The following NCSTN variants were observed in gnomAD, a reference collection of about 807,000 sequenced individuals.
NCSTN encodes the protein anterior pharynx-defective 2.
In NCSTN, 22 loss-of-function variants were observed where a neutral mutation model predicts 87.0. The observed-to-expected ratio is 0.25, with a 90% CI of 0.18 to 0.36. NCSTN has a LOEUF of 0.36. Among genes scored for constraint, NCSTN ranks in the 10% least tolerant of loss-of-function variants. The pLI is 1.00. For synonymous variants in NCSTN, 306 were observed against 327.1 expected, an observed-to-expected ratio of 0.94 and a Z score of 0.69; for missense variants, 693 against 883.3, an observed-to-expected ratio of 0.78 and a Z score of 2.73.
Position 160,348,939 on chromosome 1 carries a change from G to A in NCSTN, c.191-60G>A, listed in dbSNP as rs2101897109. The A allele has an allele frequency of 2.5e-6, 4 of 1,611,538 alleles. No homozygotes were observed. In the South Asian group the frequency reaches 4.4e-5, roughly 18 times the overall value. On this transcript the variant is annotated intron_variant, in intron 2 of 16. Coordinates refer to ENST00000294785, the MANE Select transcript of NCSTN (RefSeq NM_015331.3). ...GGGATAAAAGATACGCAGAATCAGTGAGGCAAAGTCAGAATTGTTAACTAT... is the reference window on the plus strand; with the variant it reads ...GGGATAAAAGATACGCAGAATCAGTAAGGCAAAGTCAGAATTGTTAACTAT...
At chr1:160,353,013 C>A (rs200406538) in intron 9 of NCSTN, 22 bp downstream of exon 9, 1 of 1,602,896 alleles carries the variant, frequency 6.2e-7, no homozygotes, top group Non-Finnish European at 8.5e-7. Context: ...GTCCCCCAGC[C>A]CCTTCCTTTT....
Position 160,358,435 on chromosome 1 carries a change from T to G in NCSTN, c.*164T>G. The G allele has an allele frequency of 1.1e-6, 1 of 926,754 alleles. No individual in the cohort carries two copies. Among genetic ancestry groups the G allele is most frequent in the Non-Finnish European group, 1.7e-6 (1 of 593,422 alleles). The allele number at this position is 926,754 out of a possible 1,614,324, so 57.4% of individuals were successfully genotyped here. ...TCCAAAAGAGACAGGGAGAAATAAA[T>G]AAATTGCCTCCCTTCCTCCGCTCCC... On this transcript the variant is annotated 3_prime_UTR_variant, in exon 17 of 17. Transcript: ENST00000294785.
rs1180849144 is a variant in NCSTN at position 160,350,008 on chromosome 1, T to C, written c.437-97T>C. ...TTTGAGTCACCACCTCCTTTTGAAC[T>C]CTTAGTCCCAACTGAAAGATTCTTC... is the stretch of plus-strand genomic sequence containing the variant. On this transcript the variant is annotated intron_variant, in intron 4 of 16. Transcript: ENST00000294785. 5.1e-5 allele frequency: 74 copies of C among 1,448,710 alleles called. 1 individual carries two copies. Among genetic ancestry groups the C allele is most frequent in the Non-Finnish European group, 7.0e-5 (72 of 1,031,136 alleles). The allele number at this position is 1,448,710 out of a possible 1,614,324, so 89.7% of individuals were successfully genotyped here.
chr1:160,343,410 G>C lies in NCSTN; in HGVS notation c.14G>C (p.Gly5Ala), dbSNP rs528352370. MATA[G>A]GGSGADPGSR... The stretch of plus-strand genomic sequence containing the variant: ...CAGAGAGGCAAGATGGCTACGGCAG[G>C]GGGTGGCTCTGGGGCTGACCCGGGA... Residue 5 changes from glycine (G) to alanine (A), a missense_variant, in exon 1 of 17, where the codon GGG becomes GCG. Coordinates refer to ENST00000294785, the MANE Select transcript of NCSTN (RefSeq NM_015331.3). The C allele has an allele frequency of 1.5e-5, 25 of 1,613,034 alleles. No homozygotes were observed. In the South Asian group the frequency reaches 1.7e-4, roughly 11 times the overall value.
rs2101912747 is a variant in NCSTN at position 160,358,574 on chromosome 1, TGC to T, written c.*304_*305del. ...AACTCCCTAGTTACCCACCCTAATT[TGC>T]CCTTCAGGACCCTTCTACTTTTTCC... On this transcript the variant is annotated 3_prime_UTR_variant, in exon 17 of 17. Transcript: ENST00000294785. 2.4e-6 allele frequency: 1 copy of T among 422,604 alleles called. No individual in the cohort carries two copies. Among genetic ancestry groups the T allele is most frequent in the East Asian group, 5.4e-5 (1 of 18,590 alleles). The allele number at this position is 422,604 out of a possible 1,614,324, so 26.2% of individuals were successfully genotyped here.
intron 16 of NCSTN, among the ~76,000 whole-genome samples, 188 bp downstream of exon 16, chr1:160,357,441 G>A (rs1261006704): frequency 6.6e-6 from 1 of 152,088 alleles, no homozygotes; most frequent in Non-Finnish European, 1.5e-5. Flanking sequence ...TTTCATTCTT[G>A]TTGCTCAAGC....
intron 9 of NCSTN, 80 bp downstream of exon 9, chr1:160,353,071 C>T: frequency 6.4e-7 from 1 of 1,572,054 alleles, no homozygotes; most frequent in Non-Finnish European, 8.8e-7. Flanking sequence ...ACTGCAGGAA[C>T]CACCGCCTCT....
At chr1:160,348,407 C>T (rs1648633229) in intron 2 of NCSTN, among the ~76,000 whole-genome samples, 3 of 152,148 alleles carry the variant, frequency 2.0e-5, no homozygotes, top group Admixed American at 2.0e-4. Context: ...CCCTAGGTTT[C>T]CTGGAATGAG....
At chr1:160,344,469 C>A in intron 1 of NCSTN, 1 of 1,512,634 alleles carries the variant, frequency 6.6e-7, no homozygotes, top group East Asian at 2.5e-5. Flanking sequence ...AGTTTTCTCT[C>A]TTTTAGTGTC....
intron 1 of NCSTN, among the ~76,000 whole-genome samples, chr1:160,344,173 C>T (rs1648302756): frequency 6.6e-6 from 1 of 152,034 alleles, no homozygotes. Flanking sequence ...TGTGCCTTCC[C>T]CCAATTCACA....
At chr1:160,347,330 T>G (rs10494342) in intron 2 of NCSTN, among the ~76,000 whole-genome samples, 15,888 of 152,264 alleles carry the variant, frequency 0.1, 1,343 homozygotes, top group African/African-American at 0.23. Context: ...ATTTGATTTC[T>G]GATTATAATA....
intron 1 of NCSTN, 105 bp downstream of exon 1, chr1:160,343,586 C>A (rs933736010): frequency 9.5e-7 from 1 of 1,054,806 alleles, no homozygotes; most frequent in African/African-American, 1.6e-5. Flanking sequence ...CCCCTCTGTC[C>A]CCCCACCCTG....
chr1:160,354,301 C>T lies in NCSTN; in HGVS notation c.1352+11C>T, dbSNP rs1367582755. On this transcript the variant is annotated intron_variant, in intron 11 of 16. Transcript: ENST00000294785. ...TGCCTTCCATAACAAGTAAGAATCA[C>T]TTGGCCCTGCACCCTCTTCATTCTT... 12 of 1,613,728 alleles carry T rather than the reference C, an allele frequency of 7.4e-6. No individual in the cohort carries two copies. The Admixed American group carries it at 8.3e-5, about 11-fold the overall frequency.
intron 8 of NCSTN, 22 bp from the exon 9 acceptor site, chr1:160,352,865 C>T (rs746544619): frequency 6.3e-7 from 1 of 1,591,890 alleles, no homozygotes; most frequent in Non-Finnish European, 8.6e-7. Context: ...TGTTCCCCCT[C>T]CCACCTACCT....
At position 160,349,697 on chromosome 1, in the gene NCSTN, C is replaced by G. The variant is rs144037775; in HGVS notation, c.436+27C>G. ...TAAGTGTCCCAAAGGATCAGGAGAG[C>G]CTACTGTCACCTAAGGCTCACTGTT... is the stretch of plus-strand genomic sequence containing the variant. On this transcript the variant is annotated intron_variant, in intron 4 of 16. Coordinates refer to ENST00000294785, the MANE Select transcript of NCSTN (RefSeq NM_015331.3). The G allele has an allele frequency of 1.6e-5, 25 of 1,612,388 alleles. No homozygotes were observed. The East Asian group carries it at 4.5e-4, about 29-fold the overall frequency.
intron 9 of NCSTN, 75 bp downstream of exon 9, chr1:160,353,066 A>C: frequency 1.3e-6 from 2 of 1,578,978 alleles, no homozygotes; most frequent in Non-Finnish European, 1.7e-6. Context: ...TCTTAACTGC[A>C]GGAACCACCG....
chr1:160,351,150 C>G, intron 5 of NCSTN, 72 bp from the exon 6 acceptor site: 1 of 1,533,770 alleles, frequency 6.5e-7, no homozygotes, highest in Non-Finnish European at 9.0e-7. Flanking sequence ...GAACTGGGCC[C>G]TCCTCCTTCT....
intron 5 of NCSTN, 100 bp from the exon 6 acceptor site, chr1:160,351,122 C>G: frequency 8.2e-7 from 1 of 1,223,794 alleles, no homozygotes; most frequent in South Asian, 1.2e-5. Flanking sequence ...AAGGGTGTGG[C>G]TCCATCCCAA....
At chr1:160,355,533 T>G (rs1041686358) in intron 11 of NCSTN, 122 bp from the exon 12 acceptor site, 2 of 770,614 alleles carry the variant, frequency 2.6e-6, no homozygotes, top group Non-Finnish European at 4.6e-6. Flanking sequence ...TGATTGTCTC[T>G]CACCCCTTTC....
Sources: gnomAD v4.1 joint callset for allele counts (sites outside exome capture counted in the v4.1 genomes callset) on GRCh38, gnomAD v4.1.1 for gene constraint, MANE v1.5 for transcripts, NCBI Gene and HGNC (gene_info 2026-07-23, HGNC 2026-07-21) for gene names.